Variants in OLFM3 observed in about 807,000 individuals in gnomAD.
OLFM3 encodes olfactomedin 3, also known as noelin-3.
A neutral mutation model predicts 48.6 loss-of-function variants in OLFM3; 20 were observed. The observed-to-expected ratio is 0.41, with a 90% CI of 0.29 to 0.60. The LOEUF (loss-of-function observed/expected upper bound fraction) is 0.60, where lower values mean the gene tolerates loss of function less well. Ranked by LOEUF, OLFM3 falls within the 20% of genes least tolerant of loss-of-function variation. OLFM3 has a pLI of 0.28. For synonymous variants in OLFM3, 222 were observed against 198.1 expected (o/e 1.12, Z -1.01); for missense variants, 437 against 544.3 (o/e 0.80, Z 1.96).
chr1:101,982,018 G>C (rs1661118933), intron 1 of OLFM3, among the ~76,000 whole-genome samples: 1 of 152,114 alleles, frequency 6.6e-6, no homozygotes, highest in Admixed American at 6.5e-5. Flanking sequence ...CTGGTCATTA[G>C]AATCTGAAAT....
intron 1 of OLFM3, among the ~76,000 whole-genome samples, chr1:101,956,903 T>A (rs1239297827): frequency 6.6e-6 from 1 of 151,880 alleles, no homozygotes; most frequent in Non-Finnish European, 1.5e-5. Flanking sequence ...TAATAACTAA[T>A]GCTTTATTAC....
chr1:101,832,750 G>A (rs1033169397), intron 2 of OLFM3, among the ~76,000 whole-genome samples: 1 of 152,190 alleles, frequency 6.6e-6, no homozygotes, highest in Non-Finnish European at 1.5e-5. Context: ...TTTAAGGAGA[G>A]TCTTCCTACT....
At position 101,836,878 on chromosome 1, in the gene OLFM3, C is replaced by T. The variant is rs745544262; in HGVS notation, c.216+1G>A. 3 of 1,613,966 alleles carry T rather than the reference C, an allele frequency of 1.9e-6. No individual in the cohort carries two copies. Among genetic ancestry groups the T allele is most frequent in the East Asian group, 2.2e-5 (1 of 44,886 alleles). ...ATGCATAGGGGACACAGGACACCTA[C>T]CTTTTCCAGTAGTTGGCGAAGTTGC... On this transcript the variant is annotated splice_donor_variant, in intron 2 of 5. Transcript: ENST00000370103. LOFTEE classifies it high-confidence loss of function.
intron 1 of OLFM3, among the ~76,000 whole-genome samples, chr1:101,847,801 G>A (rs1295795935): frequency 6.6e-6 from 1 of 152,012 alleles, no homozygotes; most frequent in Non-Finnish European, 1.5e-5. Flanking sequence ...GAGGAATGAC[G>A]GACTGATATG....
intron 1 of OLFM3, among the ~76,000 whole-genome samples, chr1:101,981,518 C>T (rs991378096): frequency 4.6e-5 from 7 of 152,188 alleles, no homozygotes; most frequent in Admixed American, 2.6e-4. Flanking sequence ...CAGAATTCTC[C>T]AGTTTCATGG....
At chr1:101,990,706 C>T (rs1371364973) in intron 1 of OLFM3, among the ~76,000 whole-genome samples, 1 of 151,830 alleles carries the variant, frequency 6.6e-6, no homozygotes, top group Non-Finnish European at 1.5e-5. Context: ...TTCATGGTGG[C>T]CGGGCGCGGT....
chr1:101,904,214 A>G (rs1658484018), intron 1 of OLFM3, among the ~76,000 whole-genome samples: 1 of 152,126 alleles, frequency 6.6e-6, no homozygotes, highest in Non-Finnish European at 1.5e-5. Flanking sequence ...ATCATCAAAA[A>G]ATAAATGGAA....
chr1:101,810,756 C>T (rs1010570060), intron 4 of OLFM3, among the ~76,000 whole-genome samples: 2 of 151,852 alleles, frequency 1.3e-5, no homozygotes, highest in South Asian at 2.1e-4. Flanking sequence ...TTAACTCTTA[C>T]TATTGACATA....
chr1:101,914,888 A>C (rs1557728674), intron 1 of OLFM3, among the ~76,000 whole-genome samples: 1 of 152,220 alleles, frequency 6.6e-6, no homozygotes, highest in Non-Finnish European at 1.5e-5. Context: ...TCTTTGTAGA[A>C]TGGTAATTTA....
chr1:101,860,706 C>A (rs1258529903), intron 1 of OLFM3, among the ~76,000 whole-genome samples: 4 of 152,006 alleles, frequency 2.6e-5, no homozygotes, highest in Non-Finnish European at 5.9e-5. Context: ...TAACTTCCAT[C>A]ATATTTACAA....
chr1:101,889,183 C>T (rs1657890816), intron 1 of OLFM3, among the ~76,000 whole-genome samples: 1 of 152,124 alleles, frequency 6.6e-6, no homozygotes, highest in African/African-American at 2.4e-5. Flanking sequence ...AATCATGCTG[C>T]TATAAAGACA....
intron 4 of OLFM3, among the ~76,000 whole-genome samples, chr1:101,817,603 T>C (rs895300016): frequency 1.3e-5 from 2 of 152,072 alleles, no homozygotes; most frequent in Non-Finnish European, 2.9e-5. Context: ...TCCTCTCTTT[T>C]ATTTGTTTAC....
In OLFM3 at chr1:101,818,797, C is replaced by T. The variant is rs17469590; in HGVS notation, c.592+6229G>A. On this transcript the variant is annotated intron_variant, in intron 4 of 5. Coordinates refer to ENST00000370103, the MANE Select transcript of OLFM3 (RefSeq NM_058170.4). Reference sequence around the variant, plus strand: ...AGCTTTTTGGCTTTGTAAAAGATATCGATGTGTTTTATATTTGACACACAT... The same window carrying T: ...AGCTTTTTGGCTTTGTAAAAGATATTGATGTGTTTTATATTTGACACACAT... 9.9e-3 allele frequency among the ~76,000 whole-genome samples: 1,511 copies of T among 152,138 alleles called. 15 individuals carry two copies. The highest frequency in any genetic ancestry group is 0.016 in the Non-Finnish European group (1,080 of 67,968).
At chr1:101,821,065 C>T (rs908082759) in intron 4 of OLFM3, among the ~76,000 whole-genome samples, 17 of 152,010 alleles carry the variant, frequency 1.1e-4, no homozygotes, top group African/African-American at 3.9e-4. Flanking sequence ...ATATGCTTTT[C>T]TTTCTCTACC....
At chr1:101,909,694 C>A (rs1446566377) in intron 1 of OLFM3, among the ~76,000 whole-genome samples, 5 of 152,108 alleles carry the variant, frequency 3.3e-5, no homozygotes, top group Admixed American at 6.5e-5. Context: ...ATTATAATTA[C>A]TTGTCATATG....
At chr1:101,820,919 TGAA>T (rs1349529762) in intron 4 of OLFM3, among the ~76,000 whole-genome samples, 2 of 152,062 alleles carry the variant, frequency 1.3e-5, no homozygotes, top group African/African-American at 4.8e-5. Flanking sequence ...TTGTGTAGAG[TGAA>T]GATGTCTTTG....
At chr1:101,842,671 C>T (rs1221346756) in intron 1 of OLFM3, among the ~76,000 whole-genome samples, 1 of 152,120 alleles carries the variant, frequency 6.6e-6, no homozygotes, top group Admixed American at 6.5e-5. Context: ...CACAATGGAA[C>T]GTCTACAAAT....
chr1:101,927,820 C>A lies in OLFM3; in HGVS notation c.69+68928G>T, dbSNP rs887678128. On this transcript the variant is annotated intron_variant, in intron 1 of 5. Transcript: ENST00000370103. ...ATATATAAGAAAAAGTGGAAAAACA[C>A]ATACCAGACTATTGGTGGTGGTAGA... 4.0e-5 allele frequency among the ~76,000 whole-genome samples: 6 copies of A among 150,732 alleles called. No individual in the cohort carries two copies. The South Asian group carries it at 1.0e-3, about 26-fold the overall frequency.
In OLFM3 at chr1:101,883,692, T is replaced by C. The variant is rs72987978; in HGVS notation, c.70-46667A>G. 6.6e-3 allele frequency among the ~76,000 whole-genome samples: 1,000 copies of C among 152,030 alleles called. 6 individuals are homozygous for C. The highest frequency in any genetic ancestry group is 0.015 in the African/African-American group (619 of 41,514). ...TCTTTCTCTTTTTTTGCCAGAATAA[T>C]ATGAAAAAGAAGTGACACGCAATTA... is the stretch of plus-strand genomic sequence containing the variant. On this transcript the variant is annotated intron_variant, in intron 1 of 5. Transcript: ENST00000370103.
Sources: allele counts gnomAD v4.1 joint callset (sites outside exome capture counted in the v4.1 genomes callset), GRCh38; gene constraint gnomAD v4.1.1; transcripts MANE v1.5; gene names NCBI Gene and HGNC (gene_info 2026-07-23, HGNC 2026-07-21).